Variants in MYO1D observed in about 807,000 individuals in gnomAD.
MYO1D encodes the protein unconventional myosin-Id.
In MYO1D, 83 loss-of-function variants were observed where a neutral mutation model predicts 122.0. That is an observed-to-expected ratio of 0.68 (90% CI 0.57 to 0.82). MYO1D has a LOEUF of 0.82. Among genes scored for constraint, MYO1D ranks in the 40% least tolerant of loss-of-function variants. MYO1D has a pLI of 0.00. For synonymous variants in MYO1D, 464 were observed against 446.9 expected (o/e 1.04, Z -0.48); for missense variants, 1,157 against 1,269.5 (o/e 0.91, Z 1.35).
intron 16 of MYO1D, among the ~76,000 whole-genome samples, chr17:32,698,426 T>A (rs1419556352): frequency 6.7e-6 from 1 of 148,676 alleles, no homozygotes; most frequent in African/African-American, 2.5e-5. Flanking sequence ...CAATTTTATA[T>A]GAGAAATAAT....
intron 21 of MYO1D, among the ~76,000 whole-genome samples, chr17:32,542,629 A>G (rs73981827): frequency 6.6e-6 from 1 of 151,736 alleles, no homozygotes; most frequent in African/African-American, 2.4e-5. Context: ...AAAAAAAAAA[A>G]GCCAACAGTT....
At chr17:32,528,736 G>A (rs1340539734) in intron 21 of MYO1D, among the ~76,000 whole-genome samples, 1 of 152,180 alleles carries the variant, frequency 6.6e-6, no homozygotes, top group Non-Finnish European at 1.5e-5. Flanking sequence ...GGAGGAGGCA[G>A]TGTGATCCTG....
intron 1 of MYO1D, among the ~76,000 whole-genome samples, chr17:32,787,059 T>C (rs1200402738): frequency 6.6e-6 from 1 of 151,730 alleles, no homozygotes; most frequent in Non-Finnish European, 1.5e-5. Context: ...AAAGAAGGCA[T>C]CATTTAAAAG....
chr17:32,611,408 T>A (rs553330763), intron 20 of MYO1D, among the ~76,000 whole-genome samples: 1 of 152,350 alleles, frequency 6.6e-6, no homozygotes, highest in South Asian at 2.1e-4. Flanking sequence ...CCAGCCAAAC[T>A]TAGAGGATCT....
chr17:32,863,806 A>G (rs2091098279), intron 1 of MYO1D, among the ~76,000 whole-genome samples: 1 of 152,150 alleles, frequency 6.6e-6, no homozygotes, highest in Admixed American at 6.6e-5. Context: ...CATTTGATAT[A>G]ATAATCTTGT....
In MYO1D at chr17:32,718,072, A is replaced by G. The variant is rs569239205; in HGVS notation, c.1913+2951T>C. ...GTGATGAGATCTGGAACAAGACTTCAGCTTGATCCTCTGGCCCACTAATTT... is the reference window on the plus strand; with the variant it reads ...GTGATGAGATCTGGAACAAGACTTCGGCTTGATCCTCTGGCCCACTAATTT... On this transcript the variant is annotated intron_variant, in intron 15 of 21. Coordinates refer to ENST00000318217, the MANE Select transcript of MYO1D (RefSeq NM_015194.3). 5.3e-5 allele frequency among the ~76,000 whole-genome samples: 8 copies of G among 152,310 alleles called. No homozygotes were observed. In the East Asian group the frequency reaches 1.4e-3, roughly 26 times the overall value.
At chr17:32,507,788 C>G (rs778605855) in intron 21 of MYO1D, among the ~76,000 whole-genome samples, 11 of 151,998 alleles carry the variant, frequency 7.2e-5, no homozygotes, top group Non-Finnish European at 1.3e-4. Flanking sequence ...AGAAGAGAAA[C>G]CAGGGTGCTT....
chr17:32,501,504 C>T lies in MYO1D; in HGVS notation c.2865-6589G>A, dbSNP rs564542780. ...TGGACAGGCCTTGGTGGGTTTAGAT[C>T]AGTCCCTTTTTGGCCAATCTCATTT... is the stretch of plus-strand genomic sequence containing the variant. On this transcript the variant is annotated intron_variant, in intron 21 of 21. Transcript: ENST00000318217. Among the ~76,000 whole-genome samples the T allele has an allele frequency of 2.0e-5, 3 of 152,294 alleles. No homozygotes were observed. The East Asian group carries it at 5.8e-4, about 29-fold the overall frequency.
intron 7 of MYO1D, among the ~76,000 whole-genome samples, chr17:32,766,644 T>C (rs2090061390): frequency 6.6e-6 from 1 of 151,882 alleles, no homozygotes; most frequent in African/African-American, 2.4e-5. Flanking sequence ...TAAAAAAAAT[T>C]AGCCAGGCGT....
chr17:32,539,225 T>A (rs1461196707), intron 21 of MYO1D, among the ~76,000 whole-genome samples: 1 of 151,366 alleles, frequency 6.6e-6, no homozygotes, highest in Admixed American at 6.6e-5. Flanking sequence ...GAGGATCGTT[T>A]GAGCCCAGGT....
chr17:32,864,548 GAAAA>G (rs200717040), intron 1 of MYO1D, among the ~76,000 whole-genome samples: 6 of 73,014 alleles, frequency 8.2e-5, no homozygotes, highest in African/African-American at 2.5e-4. Context: ...TTCTACGAAT[GAAAA>G]AAAAAAAAAA....
chr17:32,603,747 G>A (rs1337242179), intron 21 of MYO1D, among the ~76,000 whole-genome samples: 1 of 151,842 alleles, frequency 6.6e-6, no homozygotes. Context: ...GGATGGTCTC[G>A]ATCTGCTGAC....
intron 1 of MYO1D, among the ~76,000 whole-genome samples, chr17:32,852,388 A>C (rs1187065487): frequency 6.6e-6 from 1 of 152,130 alleles, no homozygotes; most frequent in African/African-American, 2.4e-5. Flanking sequence ...CGGCCTCCCA[A>C]AGTGCTGGGA....
intron 21 of MYO1D, among the ~76,000 whole-genome samples, chr17:32,582,502 G>A (rs905383174): frequency 6.6e-6 from 1 of 152,044 alleles, no homozygotes; most frequent in Non-Finnish European, 1.5e-5. Context: ...TTCTAATTAT[G>A]TTTCATTATG....
chr17:32,514,633 A>G lies in MYO1D; in HGVS notation c.2865-19718T>C, dbSNP rs116730521. ...ATTTGGAAACTAGTCAATGTCCAAC[A>G]ACAATGGGTAAATTATAGTTAGTTT... On this transcript the variant is annotated intron_variant, in intron 21 of 21. Transcript: ENST00000318217. Among the ~76,000 whole-genome samples, 973 of 152,348 alleles carry G rather than the reference A, an allele frequency of 6.4e-3. 11 individuals carry two copies. The highest frequency in any genetic ancestry group is 0.023 in the African/African-American group (937 of 41,572).
chr17:32,808,897 G>C (rs990633094), intron 1 of MYO1D, among the ~76,000 whole-genome samples: 2 of 152,104 alleles, frequency 1.3e-5, no homozygotes, highest in Non-Finnish European at 2.9e-5. Flanking sequence ...TATTTTGTTA[G>C]AGCAGCCTGA....
At chr17:32,857,584 CA>C (rs563112277) in intron 1 of MYO1D, among the ~76,000 whole-genome samples, 3,467 of 107,788 alleles carry the variant, frequency 0.032, 105 homozygotes, top group African/African-American at 0.098. Context: ...GACTCCACCT[CA>C]AAAAAAAAAA....
At chr17:32,511,312 C>T (rs987433304) in intron 21 of MYO1D, among the ~76,000 whole-genome samples, 1 of 151,968 alleles carries the variant, frequency 6.6e-6, no homozygotes, top group Non-Finnish European at 1.5e-5. Flanking sequence ...CAGCCTCAAA[C>T]GCCCGAGCTC....
chr17:32,690,393 G>A (rs1331454591), intron 16 of MYO1D, among the ~76,000 whole-genome samples: 3 of 152,062 alleles, frequency 2.0e-5, no homozygotes, highest in Admixed American at 1.3e-4. Context: ...CAGGCTGGTC[G>A]CGAACTCCTG....
Sources: allele counts gnomAD v4.1 joint callset (sites outside exome capture counted in the v4.1 genomes callset), GRCh38; gene constraint gnomAD v4.1.1; transcripts MANE v1.5; gene names NCBI Gene and HGNC (gene_info 2026-07-23, HGNC 2026-07-21).